Variants in NEDD4L observed in about 807,000 individuals in gnomAD.
The protein encoded by NEDD4L is E3 ubiquitin-protein ligase NEDD4-like.
In NEDD4L, 54 loss-of-function variants were observed where a neutral mutation model predicts 148.9. That is an observed-to-expected ratio of 0.36 (90% CI 0.29 to 0.45). The LOEUF (loss-of-function observed/expected upper bound fraction) is 0.45, where lower values mean the gene tolerates loss of function less well. Among genes scored for constraint, NEDD4L ranks in the 20% least tolerant of loss-of-function variants. The pLI is 1.00. For synonymous variants in NEDD4L, 433 were observed against 440.7 expected (o/e 0.98, Z 0.22); for missense variants, 856 against 1,233.8 (o/e 0.69, Z 4.59).
intron 22 of NEDD4L, among the ~76,000 whole-genome samples, chr18:58,370,155 G>C (rs998563047): frequency 6.6e-6 from 1 of 152,080 alleles, no homozygotes; most frequent in Admixed American, 6.5e-5. Context: ...AAGCTCATCT[G>C]TCACCTCCCA....
intron 1 of NEDD4L, among the ~76,000 whole-genome samples, chr18:58,060,251 G>C (rs906281382): frequency 1.3e-5 from 2 of 152,144 alleles, no homozygotes; most frequent in African/African-American, 4.8e-5. Flanking sequence ...AAGGAGCTGG[G>C]ACTATATTGT....
At position 58,330,727 on chromosome 18, in the gene NEDD4L, T is replaced by C. The variant is rs1436425944; in HGVS notation, c.814-11T>C. 1.9e-6 allele frequency: 3 copies of C among 1,554,172 alleles called. No homozygotes were observed. The highest frequency in any genetic ancestry group is 2.7e-5 in the African/African-American group (2 of 73,510). ...TTCTAGTGTTTACCCCAGTGTCTCC[T>C]TCTCTGAAAGCCTTGGGAGACCATT... On this transcript the variant is annotated splice_polypyrimidine_tract_variant and intron_variant, in intron 10 of 30. Coordinates refer to ENST00000400345, the MANE Select transcript of NEDD4L (RefSeq NM_001144967.3).
At position 58,230,290 on chromosome 18, in the gene NEDD4L, A is replaced by T. The variant is rs141787689; in HGVS notation, c.123-15137A>T. Among the ~76,000 whole-genome samples, 106 of 152,346 alleles carry T rather than the reference A, an allele frequency of 7.0e-4. 3 individuals carry two copies. The East Asian group carries it at 0.017, about 24-fold the overall frequency. On this transcript the variant is annotated intron_variant, in intron 2 of 30. Transcript: ENST00000400345. Reference sequence around the variant, plus strand: ...TTTGATTTGAATATTTGTTTTTAACACACAAGGATATCAACTCTATAAGTC... The same window carrying T: ...TTTGATTTGAATATTTGTTTTTAACTCACAAGGATATCAACTCTATAAGTC...
At chr18:58,096,148 T>C (rs9959499) in intron 1 of NEDD4L, among the ~76,000 whole-genome samples, 5,304 of 152,124 alleles carry the variant, frequency 0.035, 311 homozygotes, top group African/African-American at 0.12. Flanking sequence ...TAGAACCTAA[T>C]GTTAGTGTGT....
intron 2 of NEDD4L, among the ~76,000 whole-genome samples, chr18:58,206,763 G>A (rs12958393): frequency 0.059 from 9,017 of 152,290 alleles, 385 homozygotes; most frequent in Non-Finnish European, 0.087. Context: ...AGGCATTTAA[G>A]TGTGTGGGTG....
At chr18:58,219,592 A>G (rs956148698) in intron 2 of NEDD4L, among the ~76,000 whole-genome samples, 2 of 123,836 alleles carry the variant, frequency 1.6e-5, no homozygotes, top group Admixed American at 1.7e-4. Flanking sequence ...CTTGACTTGC[A>G]GATGCTCCTC....
chr18:58,386,326 C>G (rs2049017503), intron 26 of NEDD4L, among the ~76,000 whole-genome samples: 1 of 152,168 alleles, frequency 6.6e-6, no homozygotes, highest in African/African-American at 2.4e-5. Context: ...GCTGGGATTA[C>G]AGGCATGAGC....
chr18:58,346,876 G>A (rs2043140801), intron 16 of NEDD4L, among the ~76,000 whole-genome samples: 1 of 151,746 alleles, frequency 6.6e-6, no homozygotes, highest in African/African-American at 2.4e-5. Flanking sequence ...AACTAATAGA[G>A]AGCCTTGACC....
chr18:58,193,895 C>T (rs2040381087), intron 2 of NEDD4L: 1 of 152,320 alleles, frequency 6.6e-6, no homozygotes, highest in African/African-American at 2.4e-5. Flanking sequence ...TCCCTGCACT[C>T]GGTGGAGATG....
intron 2 of NEDD4L, among the ~76,000 whole-genome samples, chr18:58,198,824 G>A (rs2041047168): frequency 6.6e-6 from 1 of 152,164 alleles, no homozygotes; most frequent in Non-Finnish European, 1.5e-5. Flanking sequence ...GTTTGTTTGA[G>A]ATGGAGTTTC....
intron 2 of NEDD4L, among the ~76,000 whole-genome samples, chr18:58,168,735 G>T (rs528060787): frequency 2.0e-4 from 30 of 152,348 alleles, no homozygotes; most frequent in African/African-American, 7.0e-4. Context: ...CTGTAGACAG[G>T]ATAATGGGTG....
At chr18:58,259,777 A>G (rs2049105925) in intron 5 of NEDD4L, among the ~76,000 whole-genome samples, 1 of 152,366 alleles carries the variant, frequency 6.6e-6, no homozygotes, top group African/African-American at 2.4e-5. Context: ...CTATTGGAGA[A>G]GAGAGCGTTC....
At chr18:58,189,092 C>T (rs1241086071) in intron 2 of NEDD4L, among the ~76,000 whole-genome samples, 3 of 152,174 alleles carry the variant, frequency 2.0e-5, no homozygotes, top group Non-Finnish European at 4.4e-5. Context: ...GAACAGCTGA[C>T]ACCTCCTGGG....
intron 1 of NEDD4L, among the ~76,000 whole-genome samples, chr18:58,104,957 TG>T (rs2084981814): frequency 6.6e-6 from 1 of 151,016 alleles, no homozygotes; most frequent in African/African-American, 2.4e-5. Context: ...AAAGATGTGC[TG>T]GGCTTGCTGT....
At chr18:58,102,029 GT>G in intron 1 of NEDD4L, among the ~76,000 whole-genome samples, 1 of 152,210 alleles carries the variant, frequency 6.6e-6, no homozygotes, top group South Asian at 2.1e-4. Context: ...TGGTTGGTTA[GT>G]TTTTCTACAT....
chr18:58,345,916 G>GTT (rs1361865139), intron 16 of NEDD4L, among the ~76,000 whole-genome samples: 84 of 72,244 alleles, frequency 1.2e-3, no homozygotes, highest in South Asian at 7.4e-3. Flanking sequence ...AATTTTTGTT[G>GTT]TTTTTTGTTT....
At position 58,396,961 on chromosome 18, in the gene NEDD4L, T is replaced by A. The variant is rs1176457403; in HGVS notation, c.*692T>A. 1 of 152,656 alleles carries A rather than the reference T, an allele frequency of 6.6e-6. No homozygotes were observed. Among genetic ancestry groups the A allele is most frequent in the Non-Finnish European group, 1.5e-5 (1 of 68,030 alleles). 9.5% of individuals were successfully genotyped at this position (152,656 alleles called of 1,614,324 possible). On this transcript the variant is annotated 3_prime_UTR_variant, in exon 31 of 31. Coordinates refer to ENST00000400345, the MANE Select transcript of NEDD4L (RefSeq NM_001144967.3). ...TGTTTTGGGGTTTTTTTGTACAAAT[T>A]TAGCTAATAGCTACAGGCTGAGAGA... is the stretch of plus-strand genomic sequence containing the variant.
chr18:58,213,726 C>T (rs969441978), intron 2 of NEDD4L, among the ~76,000 whole-genome samples: 1 of 151,914 alleles, frequency 6.6e-6, no homozygotes, highest in African/African-American at 2.4e-5. Context: ...GGCTCCTTCT[C>T]TTAGGTCTTG....
At chr18:58,261,309 A>G (rs1028296986) in intron 5 of NEDD4L, among the ~76,000 whole-genome samples, 1 of 152,178 alleles carries the variant, frequency 6.6e-6, no homozygotes, top group Non-Finnish European at 1.5e-5. Flanking sequence ...TTGCATTTCT[A>G]GCATATTTTT....
Sources: gnomAD v4.1 joint callset for allele counts (sites outside exome capture counted in the v4.1 genomes callset) on GRCh38, gnomAD v4.1.1 for gene constraint, MANE v1.5 for transcripts, NCBI Gene and HGNC (gene_info 2026-07-23, HGNC 2026-07-21) for gene names.